The following C2 variants were observed in gnomAD, a reference collection of about 807,000 sequenced individuals.
C2 encodes C3/C5 convertase.
Under a neutral mutation model 85.2 loss-of-function variants are expected in C2, and 64 were observed. The ratio of observed to expected loss-of-function variants is 0.75; its 90% CI spans 0.61 to 0.92. C2 has a LOEUF of 0.92. Ranked by LOEUF, C2 falls within the 40% of genes least tolerant of loss-of-function variation. C2 has a pLI of 0.00. For synonymous variants in C2, 311 were observed against 370.8 expected (o/e 0.84, Z 1.85); for missense variants, 820 against 971.6 (o/e 0.84, Z 2.07).
rs1189988096 is a variant in C2, at chr6:31,944,699, C to T, written c.1903-28C>T. 1 of 1,612,728 alleles carries T rather than the reference C, an allele frequency of 6.2e-7. No individual in the cohort carries two copies. Among genetic ancestry groups the T allele is most frequent in the East Asian group, 2.2e-5 (1 of 44,900 alleles). On this transcript the variant is annotated intron_variant, in intron 15 of 17. Transcript: ENST00000299367. The surrounding 1 kb of genome is among the most constrained non-coding windows in gnomAD (Gnocchi z 5.1). ...CCCACCCGGGTCTGCTTATTCTACC[C>T]TTCTCTCTGGTTCCACCCCTGCTGC...
Position 31,943,490 on chromosome 6 carries a change from C to T in C2, c.1530C>T (p.Arg510=), listed in dbSNP as rs148111479. ...QWVLTAAHCF[R]DGNDHSLWRV... ...TCCTGACAGCAGCTCATTGCTTCCG[C>T]GATGGCAACGACCACTCCCTGTGGA... Residue 510 remains arginine (R), a synonymous_variant, in exon 12 of 18, where the codon CGC becomes CGT. Coordinates refer to ENST00000299367, the MANE Select transcript of C2 (RefSeq NM_000063.6). This position sits in a 1 kb window ranked among gnomAD's most constrained non-coding sequence, Gnocchi z 6.4. 1.2e-5 allele frequency: 19 copies of T among 1,613,038 alleles called. No homozygotes were observed. Among genetic ancestry groups the T allele is most frequent in the African/African-American group, 1.1e-4 (8 of 75,054 alleles).
At chr6:31,940,765 A>T (rs1770814653) in intron 9 of C2, among the ~76,000 whole-genome samples, 1 of 152,222 alleles carries the variant, frequency 6.6e-6, no homozygotes, top group South Asian at 2.1e-4. Flanking sequence ...TAAGCAGGAA[A>T]CCAAACGAAA....
upstream of C2, among the ~76,000 whole-genome samples, chr6:31,915,223 A>G (rs2151719416): frequency 6.6e-6 from 1 of 152,306 alleles, no homozygotes; most frequent in South Asian, 2.1e-4. Flanking sequence ...TACAAGCTGT[A>G]AATGCTGTTT....
At chr6:31,929,659 A>G (rs1769562490) in intron 3 of C2, among the ~76,000 whole-genome samples, 1 of 143,644 alleles carries the variant, frequency 7.0e-6, no homozygotes, top group Admixed American at 7.4e-5. Flanking sequence ...TGGAGATTGC[A>G]GTGAGCCGAG....
intron 1 of C2, among the ~76,000 whole-genome samples, chr6:31,903,358 G>T (rs1767506428): frequency 6.6e-6 from 1 of 152,166 alleles, no homozygotes; most frequent in Non-Finnish European, 1.5e-5. Flanking sequence ...GGGAGGGTGT[G>T]GTGGCTCACG....
At chr6:31,903,176 A>G (rs1473980941) in intron 1 of C2, among the ~76,000 whole-genome samples, 2 of 152,070 alleles carry the variant, frequency 1.3e-5, no homozygotes, top group African/African-American at 4.8e-5. Flanking sequence ...TTTCCTGCCA[A>G]TTGGATTTCT....
chr6:31,901,294 C>T, intron 1 of C2: 1 of 1,609,146 alleles, frequency 6.2e-7, no homozygotes, highest in Non-Finnish European at 8.5e-7. Flanking sequence ...GGACTTCCAC[C>T]CCAGAGGCCA....
chr6:31,909,328 T>C (rs539616279), intron 1 of C2, among the ~76,000 whole-genome samples: 1 of 151,954 alleles, frequency 6.6e-6, no homozygotes, highest in South Asian at 2.1e-4. Context: ...TTAGACAGGA[T>C]CTCTGTTGAC....
upstream of C2, among the ~76,000 whole-genome samples, chr6:31,899,001 C>T (rs1384691379): frequency 3.3e-5 from 5 of 151,514 alleles, no homozygotes; most frequent in Admixed American, 1.3e-4. Context: ...GTATTAAGAA[C>T]GCAGCATCAC....
chr6:31,933,922 C>T lies in C2; in HGVS notation c.672C>T (p.Phe224=), dbSNP rs769177291. 1 of 1,614,194 alleles carries T rather than the reference C, an allele frequency of 6.2e-7. No homozygotes were observed. Among genetic ancestry groups the T allele is most frequent in the South Asian group, 1.1e-5 (1 of 91,088 alleles). The change falls in exon 5 of 18, where the codon TTC becomes TTT. Residue 224 remains phenylalanine (F), a synonymous_variant. Coordinates refer to ENST00000299367, the MANE Select transcript of C2 (RefSeq NM_000063.6). Reference sequence around the variant, plus strand: ...TGGCCCCTGCCCTGGGCACTTCCTTCTCCCACATGCTTGGGGCCACCAATC... The same window carrying T: ...TGGCCCCTGCCCTGGGCACTTCCTTTTCCCACATGCTTGGGGCCACCAATC... ...EDVAPALGTS[F]SHMLGATNPT...
intron 1 of C2, among the ~76,000 whole-genome samples, chr6:31,903,947 TC>T (rs1396462506): frequency 6.6e-6 from 1 of 151,938 alleles, no homozygotes; most frequent in Non-Finnish European, 1.5e-5. Flanking sequence ...TGATTTTGTG[TC>T]AGACGCACCT....
At chr6:31,925,126 C>A (rs1474063125), upstream of C2, among the ~76,000 whole-genome samples, 1 of 152,164 alleles carries the variant, frequency 6.6e-6, no homozygotes, top group Non-Finnish European at 1.5e-5. Flanking sequence ...GGAAGATCAG[C>A]AGAAGAACCT....
rs151168036 is a variant in C2 at position 31,943,056 on chromosome 6, G to T, written c.1317G>T (p.Leu439=). ...ATGGTGAGAGGCATGCCTTCATTCT[G>T]CAGGACACAAAGGCTCTGCACCAGG... The part of the protein sequence containing the change: ...KKDGERHAFI[L]QDTKALHQVF... Residue 439 remains leucine, a synonymous_variant, in exon 10 of 18, where the codon CTG becomes CTT. Transcript: ENST00000299367. This position sits in a 1 kb window ranked among gnomAD's most constrained non-coding sequence, Gnocchi z 6.4. 1 of 1,612,966 alleles carries T rather than the reference G, an allele frequency of 6.2e-7. No homozygotes were observed. The highest frequency in any genetic ancestry group is 8.5e-7 in the Non-Finnish European group (1 of 1,180,054).
At chr6:31,937,187 TG>T in intron 7 of C2, 131 bp from the exon 8 acceptor site, 1 of 855,056 alleles carries the variant, frequency 1.2e-6, no homozygotes, top group South Asian at 1.5e-5. Context: ...CTAGCCTGGG[TG>T]GCAGAGCGAG....
chr6:31,926,634 ATT>A (rs755865808), upstream of C2, among the ~76,000 whole-genome samples: 1 of 136,154 alleles, frequency 7.3e-6, no homozygotes, highest in Non-Finnish European at 1.6e-5. Flanking sequence ...GCCCGGTCTT[ATT>A]TTTTTTTTTT....
chr6:31,937,370 A>T lies in C2; in HGVS notation c.1040A>T (p.Tyr347Phe). 1 of 1,612,826 alleles carries T rather than the reference A, an allele frequency of 6.2e-7. No individual in the cohort carries two copies. Among genetic ancestry groups the T allele is most frequent in the Non-Finnish European group, 8.5e-7 (1 of 1,179,950 alleles). ...ACCTATGCGGCCTTAAACAGTGTCT[A>T]TCTCATGATGAACAACCAAATGCGA... ...TNTYAALNSV[Y>F]LMMNNQMRLL... Residue 347 changes from tyrosine to phenylalanine, a missense_variant, in exon 8 of 18, where the codon TAT becomes TTT. Transcript: ENST00000299367.
intron 1 of C2, among the ~76,000 whole-genome samples, chr6:31,911,988 C>A (rs1768142596): frequency 7.3e-6 from 1 of 137,540 alleles, no homozygotes; most frequent in South Asian, 2.4e-4. Flanking sequence ...CAAGGCTGGT[C>A]TCTAACTCCT....
In C2 at chr6:31,935,898, G is replaced by A. The variant is rs560405683; in HGVS notation, c.850-25G>A. On this transcript the variant is annotated intron_variant, in intron 6 of 17. Coordinates refer to ENST00000299367, the MANE Select transcript of C2 (RefSeq NM_000063.6). The surrounding 1 kb of genome is among the most constrained non-coding windows in gnomAD (Gnocchi z 4.3). ...CCCCTTTGGCTTCAGGGCCCTTTAC[G>A]CTGCCTCTCACTTGCCCCGCACAGA... 2.0e-5 allele frequency: 32 copies of A among 1,612,094 alleles called. No individual in the cohort carries two copies. Among genetic ancestry groups the A allele is most frequent in the African/African-American group, 2.7e-5 (2 of 74,920 alleles).
chr6:31,929,971 C>G (rs1482611330), intron 3 of C2, among the ~76,000 whole-genome samples: 3 of 151,494 alleles, frequency 2.0e-5, no homozygotes, highest in South Asian at 4.2e-4. Flanking sequence ...GAGATCGTGC[C>G]ACTGCACTCC....
Sources: gnomAD v4.1 joint callset for allele counts (sites outside exome capture counted in the v4.1 genomes callset) on GRCh38, gnomAD v4.1.1 for gene constraint, Gnocchi (gnomAD v3.1) non-coding constraint, MANE v1.5 for transcripts, NCBI Gene and HGNC (gene_info 2026-07-23, HGNC 2026-07-21) for gene names.